Variants in MORN3 observed in about 807,000 individuals in gnomAD.
MORN3 encodes the protein MORN repeat containing 3.
A neutral mutation model predicts 34.7 loss-of-function variants in MORN3; 38 were observed. The observed-to-expected ratio is 1.10, with a 90% confidence interval of 0.85 to 1.44. The LOEUF (loss-of-function observed/expected upper bound fraction) is 1.44, where lower values mean the gene tolerates loss of function less well. MORN3 is among the 40% of genes most tolerant of loss of function. The pLI is 0.00. For missense variants in MORN3, 311 were observed against 321.7 expected (o/e 0.97, Z 0.25); for synonymous variants, 109 against 115.3 (o/e 0.95, Z 0.35).
chr12:121,666,501 C>T (rs1893760681), intron 1 of MORN3, among the ~76,000 whole-genome samples: 1 of 152,092 alleles, frequency 6.6e-6, no homozygotes, highest in African/African-American at 2.4e-5. Context: ...ACAACTCTGT[C>T]TCAAACAAGA....
At chr12:121,660,888 C>T (rs1262068384) in intron 1 of MORN3, among the ~76,000 whole-genome samples, 3 of 151,916 alleles carry the variant, frequency 2.0e-5, no homozygotes, top group African/African-American at 2.4e-5. Flanking sequence ...AGGCTGGTCT[C>T]GAACTCCCGA....
chr12:121,653,234 G>A lies in MORN3; in HGVS notation c.489C>T (p.Cys163=). The A allele has an allele frequency of 6.2e-7, 1 of 1,614,116 alleles. No individual in the cohort carries two copies. Among genetic ancestry groups the A allele is most frequent in the Non-Finnish European group, 8.5e-7 (1 of 1,180,024 alleles). Residue 163 remains cysteine, a synonymous_variant, in exon 4 of 6, where the codon TGC becomes TGT. Transcript: ENST00000355329. Reference sequence around the variant, plus strand: ...CCCCGTTCTTCATGCCTCTCTCCCAGCAGCCCTCGTAGCGGTTCCCGTTCT... The same window carrying A: ...CCCCGTTCTTCATGCCTCTCTCCCAACAGCCCTCGTAGCGGTTCCCGTTCT... The part of the protein sequence containing the change: ...RLKNGNRYEG[C]WERGMKNGAG...
At chr12:121,670,589 A>C (rs935583340), upstream of MORN3, among the ~76,000 whole-genome samples, 5 of 151,966 alleles carry the variant, frequency 3.3e-5, no homozygotes, top group Non-Finnish European at 7.4e-5. Flanking sequence ...CGGGTGGATC[A>C]CCTGAGGTCA....
Position 121,669,350 on chromosome 12 carries a change from T to G in MORN3, c.134A>C (p.Asn45Thr), listed in dbSNP as rs771521842. The G allele has an allele frequency of 5.6e-6, 9 of 1,613,556 alleles. No individual in the cohort carries two copies. In the South Asian group the frequency reaches 8.8e-5, roughly 16 times the overall value. The change falls in exon 1 of 6, where the codon AAC (asparagine) becomes ACC (threonine). Residue 45 changes from asparagine to threonine, a missense_variant. Asn to Thr is a moderately conservative substitution (Grantham distance 65, BLOSUM62 0). Coordinates refer to ENST00000355329, the MANE Select transcript of MORN3 (RefSeq NM_173855.5). The part of the protein sequence containing the change: ...GDYYVGEWKD[N>T]VKHGKGTQVW... The stretch of plus-strand genomic sequence containing the variant: ...GGAGTCCCACTCACCGTGTTTCACG[T>G]TGTCCTTCCACTCGCCCACATAGTA...
chr12:121,653,485 G>C (rs1366774692), intron 3 of MORN3, among the ~76,000 whole-genome samples: 4 of 151,294 alleles, frequency 2.6e-5, no homozygotes, highest in African/African-American at 7.4e-5. Flanking sequence ...TGCACCTATA[G>C]TCCCAGCTAC....
upstream of MORN3, among the ~76,000 whole-genome samples, chr12:121,669,813 C>CAT (rs750751662): frequency 2.5e-3 from 335 of 135,992 alleles, 4 homozygotes; most frequent in Middle Eastern, 0.011. Flanking sequence ...GTCATATATA[C>CAT]ATATATATAT....
At position 121,653,178 on chromosome 12, in the gene MORN3, T is replaced by C; in HGVS notation, c.545A>G (p.Gln182Arg). Residue 182 changes from glutamine (Q) to arginine (R), a missense_variant, in exon 4 of 6, where the codon CAG (glutamine) becomes CGG (arginine). Physicochemically the swap from Gln to Arg is conservative, Grantham distance 43. Coordinates refer to ENST00000355329, the MANE Select transcript of MORN3 (RefSeq NM_173855.5). ...AGRFFHLDHGQLFEGFWVDNM... is the reference protein window; with the variant it reads ...AGRFFHLDHGRLFEGFWVDNM... ...GTCCACCCAGAAGCCTTCAAACAGC[T>C]GGCCGTGGTCCAGATGGAAGAAACG... 1 of 1,614,164 alleles carries C rather than the reference T, an allele frequency of 6.2e-7. No individual in the cohort carries two copies.
intron 1 of MORN3, 111 bp downstream of exon 1, chr12:121,669,228 C>A: frequency 7.0e-7 from 1 of 1,434,082 alleles, no homozygotes; most frequent in Non-Finnish European, 9.6e-7. Flanking sequence ...CTGGGGGAGC[C>A]TTGGGGACAC....
Position 121,662,366 on chromosome 12 carries a change from T to C in MORN3, c.146-3018A>G, listed in dbSNP as rs146073658. Among the ~76,000 whole-genome samples the C allele has an allele frequency of 8.7e-4, 132 of 151,952 alleles. 1 individual carries two copies. Among genetic ancestry groups the C allele is most frequent in the Middle Eastern group, 3.4e-3 (1 of 294 alleles). On this transcript the variant is annotated intron_variant, in intron 1 of 5. Transcript: ENST00000355329. ...CCTATAATCCCAGCTACTCAGTAGG[T>C]TGAGGTAGGAGAATTGCTTGAACGT...
At chr12:121,655,121 G>A (rs1594223469) in intron 2 of MORN3, among the ~76,000 whole-genome samples, 1 of 151,750 alleles carries the variant, frequency 6.6e-6, no homozygotes, top group Admixed American at 6.6e-5. Flanking sequence ...GCTGAGGTGG[G>A]TGGATCACTT....
intron 1 of MORN3, among the ~76,000 whole-genome samples, chr12:121,660,654 T>TC (rs370468114): frequency 7.0e-6 from 1 of 142,092 alleles, no homozygotes; most frequent in African/African-American, 2.6e-5. Context: ...CGGCCTTTTT[T>TC]TTTCTTTCTT....
intron 1 of MORN3, among the ~76,000 whole-genome samples, chr12:121,659,983 C>T (rs1447730690): frequency 6.6e-6 from 1 of 151,724 alleles, no homozygotes; most frequent in Non-Finnish European, 1.5e-5. Context: ...CCTGTAATCC[C>T]AGCACTTTGG....
chr12:121,659,164 C>T lies in MORN3; in HGVS notation c.303+27G>A, dbSNP rs755100708. 1.9e-6 allele frequency: 3 copies of T among 1,607,654 alleles called. No individual in the cohort carries two copies. The Admixed American group carries it at 5.0e-5, about 27-fold the overall frequency. On this transcript the variant is annotated intron_variant, in intron 2 of 5. Coordinates refer to ENST00000355329, the MANE Select transcript of MORN3 (RefSeq NM_173855.5). ...ACACACACACACACACACACACACA[C>T]ACACCCCGGCTGGCAGGCCTGCTCA...
chr12:121,653,387 C>A, intron 3 of MORN3, 128 bp from the exon 4 acceptor site: 1 of 979,836 alleles, frequency 1.0e-6, no homozygotes, highest in Non-Finnish European at 1.5e-6. Context: ...GCTCATAAGC[C>A]CAGGAGATCA....
chr12:121,666,930 C>T (rs1406621231), intron 1 of MORN3, among the ~76,000 whole-genome samples: 1 of 150,148 alleles, frequency 6.7e-6, no homozygotes, highest in Non-Finnish European at 1.5e-5. Context: ...TCTGACTACC[C>T]TTCTTCTTTA....
chr12:121,662,094 G>A (rs1893601551), intron 1 of MORN3, among the ~76,000 whole-genome samples: 1 of 152,072 alleles, frequency 6.6e-6, no homozygotes, highest in Admixed American at 6.6e-5. Context: ...ATAGCAATTA[G>A]CAGGGGCTGG....
chr12:121,659,087 C>G, intron 2 of MORN3, 104 bp downstream of exon 2: 4 of 1,443,554 alleles, frequency 2.8e-6, no homozygotes, highest in South Asian at 1.3e-5. Context: ...GTAGACCTCC[C>G]CTCTCTTTTC....
rs767341492 is a variant in MORN3, at chr12:121,668,961, G to T, written c.145+378C>A. On this transcript the variant is annotated intron_variant, in intron 1 of 5. Coordinates refer to ENST00000355329, the MANE Select transcript of MORN3 (RefSeq NM_173855.5). ...CCTCTGCAGAGCATCACAGCTGAAT[G>T]CGAAGCCCAGAACCCCACTGCAAGC... Among the ~76,000 whole-genome samples the T allele has an allele frequency of 2.0e-5, 3 of 152,162 alleles. No homozygotes were observed. In the East Asian group the frequency reaches 5.8e-4, roughly 29 times the overall value.
intron 2 of MORN3, 55 bp from the exon 3 acceptor site, chr12:121,654,488 CCCA>C (rs1167136573): frequency 9.3e-6 from 14 of 1,505,344 alleles, no homozygotes; most frequent in Non-Finnish European, 1.3e-5. Flanking sequence ...ACCAGGAAAG[CCCA>C]CCGTCTTCCC....
Sources: gnomAD v4.1 joint callset for allele counts (sites outside exome capture counted in the v4.1 genomes callset) on GRCh38, gnomAD v4.1.1 for gene constraint, MANE v1.5 for transcripts, NCBI Gene and HGNC (gene_info 2026-07-23, HGNC 2026-07-21) for gene names.